ATP6V1B2: variants seen among roughly 807,000 people sequenced by gnomAD.
ATP6V1B2 encodes the protein ATPase H+ transporting V1 subunit B2, also known as V-type proton ATPase subunit B, brain isoform.
In ATP6V1B2, 23 loss-of-function variants were observed where a neutral mutation model predicts 66.7. The ratio of observed to expected loss-of-function variants is 0.34; its 90% CI spans 0.25 to 0.49. The LOEUF (loss-of-function observed/expected upper bound fraction) is 0.49. ATP6V1B2 is among the 20% of genes least tolerant of loss of function. The probability of loss-of-function intolerance (pLI) is 0.99; values close to 1 mark genes in which losing one functional copy is unlikely to be tolerated. For missense variants in ATP6V1B2, 478 were observed against 650.8 expected (o/e 0.73, Z 2.89); for synonymous variants, 278 against 236.7 (o/e 1.17, Z -1.60).
In ATP6V1B2 at chr8:20,214,817, G is replaced by A; in HGVS notation, c.928-1G>A. The A allele has an allele frequency of 6.2e-7, 1 of 1,610,742 alleles. No homozygotes were observed. Among genetic ancestry groups the A allele is most frequent in the Non-Finnish European group, 8.5e-7 (1 of 1,178,320 alleles). On this transcript the variant is annotated splice_acceptor_variant, in intron 9 of 13. Coordinates refer to ENST00000276390, the MANE Select transcript of ATP6V1B2 (RefSeq NM_001693.4). LOFTEE classifies it high-confidence loss of function. Reference sequence around the variant, plus strand: ...TACTCTTCTGCTTGACCTGCTGTCAGGTTTCAGCAGCCAGGGAAGAGGTAC... The same window carrying A: ...TACTCTTCTGCTTGACCTGCTGTCAAGTTTCAGCAGCCAGGGAAGAGGTAC...
Position 20,218,147 on chromosome 8 carries a change from C to T in ATP6V1B2, c.1267-6C>T, listed in dbSNP as rs770326552. On this transcript the variant is annotated splice_polypyrimidine_tract_variant and splice_region_variant and intron_variant, in intron 12 of 13. Coordinates refer to ENST00000276390, the MANE Select transcript of ATP6V1B2 (RefSeq NM_001693.4). The stretch of plus-strand genomic sequence containing the variant: ...CTCTGCTGATGGGTGCCTTTCTTCT[C>T]TTTAGTATGCGTGCTATGCTATTGG... The T allele has an allele frequency of 1.2e-6, 2 of 1,611,958 alleles. No homozygotes were observed. The highest frequency in any genetic ancestry group is 1.1e-5 in the South Asian group (1 of 90,778).
intron 2 of ATP6V1B2, among the ~76,000 whole-genome samples, 155 bp downstream of exon 2, chr8:20,204,694 A>G (rs1316837803): frequency 2.0e-5 from 3 of 152,148 alleles, no homozygotes; most frequent in Non-Finnish European, 2.9e-5. Context: ...ACCCTGGGCT[A>G]TCAGATACCC....
chr8:20,218,331 T>G (rs1458850400), intron 13 of ATP6V1B2, 49 bp downstream of exon 13: 2 of 1,589,914 alleles, frequency 1.3e-6, no homozygotes, highest in Non-Finnish European at 1.7e-6. Context: ...TATGTAATTT[T>G]GAAAACTGCT....
In ATP6V1B2 at chr8:20,208,771, G is replaced by A. The variant is rs879432502; in HGVS notation, c.193-662G>A. On this transcript the variant is annotated intron_variant, in intron 2 of 13. Transcript: ENST00000276390. ...CAGCCAGGCTGGAGTACAGTGGCAC[G>A]ATCTTGGCTCACTGCAACCTCCGTC... 1.3e-4 allele frequency among the ~76,000 whole-genome samples: 20 copies of A among 149,104 alleles called. No homozygotes were observed. The Admixed American group carries it at 1.4e-3, about 10-fold the overall frequency.
chr8:20,212,995 T>G, intron 9 of ATP6V1B2, 90 bp downstream of exon 9: 1 of 1,526,180 alleles, frequency 6.6e-7, no homozygotes, highest in South Asian at 1.2e-5. Flanking sequence ...TTCTTTATGG[T>G]TTTTTAATTC....
intron 10 of ATP6V1B2, chr8:20,215,679 A>G (rs1018655284): frequency 6.6e-6 from 1 of 152,176 alleles, no homozygotes; most frequent in Admixed American, 6.6e-5. Context: ...TTAGCAAGTG[A>G]TAGATTTAGG....
Position 20,214,889 on chromosome 8 carries a change from G to T in ATP6V1B2, c.999G>T (p.Thr333=). The change falls in exon 10 of 14, where the codon ACG becomes ACT. Residue 333 remains threonine (T), a synonymous_variant. Transcript: ENST00000276390. ...GTTACATGTATACAGATTTAGCCACGATATATGAACGCGCTGGGCGAGTGG... is the reference window on the plus strand; with the variant it reads ...GTTACATGTATACAGATTTAGCCACTATATATGAACGCGCTGGGCGAGTGG... ...FPGYMYTDLA[T]IYERAGRVEG... The T allele has an allele frequency of 6.2e-7, 1 of 1,613,584 alleles. No individual in the cohort carries two copies. Among genetic ancestry groups the T allele is most frequent in the Non-Finnish European group, 8.5e-7 (1 of 1,179,702 alleles).
intron 1 of ATP6V1B2, among the ~76,000 whole-genome samples, chr8:20,198,252 A>C (rs1178578323): frequency 1.3e-5 from 2 of 152,208 alleles, no homozygotes; most frequent in Admixed American, 1.3e-4. Flanking sequence ...GGGACTAAAA[A>C]TCCAGGTTCT....
At position 20,197,525 on chromosome 8, in the gene ATP6V1B2, T is replaced by C. The variant is rs1167559268; in HGVS notation, c.119T>C (p.Leu40Pro). 6.9e-7 allele frequency: 1 copy of C among 1,449,000 alleles called. No homozygotes were observed. Among genetic ancestry groups the C allele is most frequent in the Non-Finnish European group, 9.1e-7 (1 of 1,095,230 alleles). 89.8% of individuals were successfully genotyped at this position (1,449,000 alleles called of 1,614,324 possible). ...EQALAVSRNY[L>P]SQPRLTYKTV... ...GCGCTGGCAGTCAGTCGGAACTACCTCTCCCAGCCTCGCCTCAGTGAGTAT... is the reference window on the plus strand; with the variant it reads ...GCGCTGGCAGTCAGTCGGAACTACCCCTCCCAGCCTCGCCTCAGTGAGTAT... The change falls in exon 1 of 14, where the codon CTC becomes CCC. Residue 40 changes from leucine (L) to proline (P), a missense_variant. Around this residue, in one of 2 missense-constraint regions of ATP6V1B2, gnomAD observed 152 missense variants for 105.2 expected, o/e 1.44. Coordinates refer to ENST00000276390, the MANE Select transcript of ATP6V1B2 (RefSeq NM_001693.4).
chr8:20,220,342 G>A lies in ATP6V1B2; in HGVS notation c.1476G>A (p.Leu492=). The change falls in exon 14 of 14, where the codon CTG becomes CTA. Residue 492 remains leucine, a synonymous_variant. Coordinates refer to ENST00000276390, the MANE Select transcript of ATP6V1B2 (RefSeq NM_001693.4). ...QLLRIFPKEM[L]KRIPQSTLSE... ...TCCGAATCTTCCCCAAAGAAATGCT[G>A]AAGAGAATCCCTCAGAGCACCCTCA... is the stretch of plus-strand genomic sequence containing the variant. 6.2e-7 allele frequency: 1 copy of A among 1,603,954 alleles called. No homozygotes were observed. The highest frequency in any genetic ancestry group is 1.1e-5 in the South Asian group (1 of 89,240).
chr8:20,204,151 A>G (rs2072715002), intron 1 of ATP6V1B2: 1 of 383,972 alleles, frequency 2.6e-6, no homozygotes, highest in Non-Finnish European at 5.0e-6. Flanking sequence ...TAGAGCCCTT[A>G]TCTCATCACA....
chr8:20,220,094 A>AC (rs2072893290), intron 13 of ATP6V1B2, among the ~76,000 whole-genome samples, 169 bp from the exon 14 acceptor site: 1 of 151,226 alleles, frequency 6.6e-6, no homozygotes, highest in African/African-American at 2.4e-5. Context: ...TATGATACTC[A>AC]CTGTCTGTGC....
At chr8:20,203,815 A>C (rs1381753092) in intron 1 of ATP6V1B2, 1 of 360,060 alleles carries the variant, frequency 2.8e-6, no homozygotes, top group South Asian at 2.2e-5. Context: ...CTAACCTGGC[A>C]GTAACGTTTG....
chr8:20,220,266 C>G lies in ATP6V1B2; in HGVS notation c.1400C>G (p.Pro467Arg). 6.2e-7 allele frequency: 1 copy of G among 1,600,450 alleles called. No individual in the cohort carries two copies. Among genetic ancestry groups the G allele is most frequent in the Non-Finnish European group, 8.5e-7 (1 of 1,176,058 alleles). ...KFERNFIAQG[P>R]YENRTVFETL... ...AATTCAATCTCAATTTTTTAAGGTCCTTACGAAAATCGCACTGTCTTTGAG... is the reference window on the plus strand; with the variant it reads ...AATTCAATCTCAATTTTTTAAGGTCGTTACGAAAATCGCACTGTCTTTGAG... The change falls in exon 14 of 14, where the codon CCT (proline) becomes CGT (arginine). Residue 467 changes from proline to arginine, a missense_variant. By Grantham distance (103) the Pro-to-Arg change is moderately radical (BLOSUM62 -2). Around this residue, in one of 2 missense-constraint regions of ATP6V1B2, gnomAD observed 326 missense variants for 545.6 expected, o/e 0.60. Coordinates refer to ENST00000276390, the MANE Select transcript of ATP6V1B2 (RefSeq NM_001693.4).
intron 1 of ATP6V1B2, among the ~76,000 whole-genome samples, chr8:20,198,358 T>C (rs1003229646): frequency 7.2e-5 from 11 of 152,244 alleles, no homozygotes; most frequent in Non-Finnish European, 7.3e-5. Context: ...GGAAGCCAGG[T>C]GGCTTTGCCC....
At position 20,204,525 on chromosome 8, in the gene ATP6V1B2, T is replaced by C. The variant is rs766487263; in HGVS notation, c.178T>C (p.Leu60=). ...TGGAGTCAATGGTCCACTAGTGATCTTAGATCATGTTAAGGTAATACCACT... is the reference window on the plus strand; with the variant it reads ...TGGAGTCAATGGTCCACTAGTGATCCTAGATCATGTTAAGGTAATACCACT... ...VSGVNGPLVI[L]DHVKFPRYAE... is the part of the protein sequence containing the mutation. Residue 60 remains leucine, a synonymous_variant, in exon 2 of 14, where the codon TTA becomes CTA. Coordinates refer to ENST00000276390, the MANE Select transcript of ATP6V1B2 (RefSeq NM_001693.4). The C allele has an allele frequency of 8.1e-6, 13 of 1,611,852 alleles. No individual in the cohort carries two copies. The highest frequency in any genetic ancestry group is 5.0e-5 in the Admixed American group (3 of 60,002).
chr8:20,219,252 C>G (rs1481995032), intron 13 of ATP6V1B2, among the ~76,000 whole-genome samples: 1 of 152,202 alleles, frequency 6.6e-6, no homozygotes, highest in Non-Finnish European at 1.5e-5. Flanking sequence ...TCTCTGACCA[C>G]TCTTGAGTCC....
At chr8:20,218,723 C>G (rs1563818820) in intron 13 of ATP6V1B2, among the ~76,000 whole-genome samples, 1 of 152,162 alleles carries the variant, frequency 6.6e-6, no homozygotes, top group Non-Finnish European at 1.5e-5. Context: ...GTTACCTGTT[C>G]TTTCTGCTTT....
At chr8:20,209,130 C>G (rs183421414) in intron 2 of ATP6V1B2, among the ~76,000 whole-genome samples, 1 of 152,162 alleles carries the variant, frequency 6.6e-6, no homozygotes, top group East Asian at 1.9e-4. Context: ...CTGTACTTTT[C>G]TGTAGCCTCA....
Sources: gnomAD v4.1 joint callset for allele counts (sites outside exome capture counted in the v4.1 genomes callset) on GRCh38, gnomAD v4.1.1 for gene constraint, gnomAD v4.1.1 regional missense constraint, MANE v1.5 for transcripts, NCBI Gene and HGNC (gene_info 2026-07-23, HGNC 2026-07-21) for gene names.